The following C1orf54 variants were observed in gnomAD, a reference collection of about 807,000 sequenced individuals.
C1orf54 encodes the protein chromosome 1 open reading frame 54.
In C1orf54, 12 loss-of-function variants were observed where a neutral mutation model predicts 14.7. The ratio of observed to expected loss-of-function variants is 0.82; its 90% CI spans 0.52 to 1.32. The LOEUF is 1.32. Among genes scored for constraint, C1orf54 ranks in the 40% most tolerant of loss-of-function variants. The pLI is 0.00. For missense variants in C1orf54, 163 were observed against 162.2 expected, an observed-to-expected ratio of 1.00 and a Z score of -0.03; for synonymous variants, 65 against 56.3, an observed-to-expected ratio of 1.16 and a Z score of -0.70.
intron 4 of C1orf54, 48 bp from the exon 5 acceptor site, chr1:150,279,595 G>C (rs782793663): frequency 6.5e-7 from 1 of 1,530,250 alleles, no homozygotes; most frequent in Non-Finnish European, 8.9e-7. Context: ...AGAAGTGGTA[G>C]GAGGAATGAC....
chr1:150,272,575 C>T (rs887001549), upstream of C1orf54: 2 of 536,028 alleles, frequency 3.7e-6, no homozygotes, highest in Non-Finnish European at 6.7e-6. Flanking sequence ...GCAGGGGGAG[C>T]TTAAGAAACA....
intron 1 of C1orf54, 108 bp downstream of exon 1, chr1:150,272,971 T>G: frequency 8.0e-7 from 1 of 1,248,286 alleles, no homozygotes; most frequent in Non-Finnish European, 1.2e-6. Context: ...TGGGGAGCGA[T>G]AGAGTTTTCT....
chr1:150,276,098 C>T (rs1652625866), intron 3 of C1orf54, among the ~76,000 whole-genome samples: 1 of 151,778 alleles, frequency 6.6e-6, no homozygotes, highest in Non-Finnish European at 1.5e-5. Flanking sequence ...AAGATCGTTC[C>T]ACTGCACTCC....
upstream of C1orf54, among the ~76,000 whole-genome samples, chr1:150,271,422 G>T (rs1652198448): frequency 6.6e-6 from 1 of 152,176 alleles, no homozygotes; most frequent in African/African-American, 2.4e-5. Context: ...TCTCCATTGA[G>T]CTGTTACCAC....
chr1:150,280,017 T>A (rs1553853151), intron 5 of C1orf54, among the ~76,000 whole-genome samples: 1 of 151,876 alleles, frequency 6.6e-6, no homozygotes, highest in Non-Finnish European at 1.5e-5. Context: ...TACAAAAAAA[T>A]TAAAAATAAA....
chr1:150,276,438 G>A, intron 3 of C1orf54, 84 bp from the exon 4 acceptor site: 3 of 1,108,016 alleles, frequency 2.7e-6, no homozygotes, highest in Middle Eastern at 2.0e-4. Flanking sequence ...GGTGGTGAAG[G>A]GGAGAACTTT....
intron 2 of C1orf54, among the ~76,000 whole-genome samples, 195 bp from the exon 3 acceptor site, chr1:150,275,546 T>A (rs1488852952): frequency 1.3e-5 from 2 of 152,134 alleles, no homozygotes; most frequent in African/African-American, 4.8e-5. Context: ...TGTAAATTAT[T>A]TTAGATACCT....
chr1:150,270,203 A>AAC (rs1553850994), upstream of C1orf54, among the ~76,000 whole-genome samples: 1 of 150,958 alleles, frequency 6.6e-6, no homozygotes, highest in Non-Finnish European at 1.5e-5. Flanking sequence ...ACCAAAAAAA[A>AAC]CCCCACAGAA....
At chr1:150,279,310 A>C (rs587644345) in intron 4 of C1orf54, among the ~76,000 whole-genome samples, 81 of 152,338 alleles carry the variant, frequency 5.3e-4, no homozygotes, top group African/African-American at 1.9e-3. Flanking sequence ...CTCTCTTTAG[A>C]TTGTAAATTC....
intron 3 of C1orf54, among the ~76,000 whole-genome samples, chr1:150,276,041 A>G (rs1035977755): frequency 3.9e-5 from 6 of 152,130 alleles, no homozygotes; most frequent in Admixed American, 3.9e-4. Context: ...CAGAAGGCTG[A>G]GGTAGGAGAA....
upstream of C1orf54, among the ~76,000 whole-genome samples, chr1:150,271,122 T>G (rs1417323822): frequency 6.6e-6 from 1 of 150,940 alleles, no homozygotes; most frequent in Non-Finnish European, 1.5e-5. Context: ...TCTCATGTCT[T>G]TTTTTTTTGA....
chr1:150,280,588 G>T (rs1653009749), intron 5 of C1orf54, among the ~76,000 whole-genome samples: 1 of 152,176 alleles, frequency 6.6e-6, no homozygotes, highest in African/African-American at 2.4e-5. Flanking sequence ...GAGAAGGGAA[G>T]AGAAAGCCGT....
upstream of C1orf54, chr1:150,268,916 G>T (rs1652001096): frequency 2.1e-6 from 2 of 974,986 alleles, no homozygotes; most frequent in African/African-American, 3.3e-5. Context: ...CCCCACGAGG[G>T]GCGCGGTGCA....
intron 5 of C1orf54, 68 bp downstream of exon 5, chr1:150,279,809 C>T (rs1652953806): frequency 4.7e-6 from 6 of 1,287,644 alleles, no homozygotes; most frequent in Non-Finnish European, 5.5e-6. Context: ...CACACTAAAC[C>T]GAAGTAATTC....
intron 4 of C1orf54, among the ~76,000 whole-genome samples, chr1:150,277,648 T>G (rs1006013806): frequency 1.3e-5 from 2 of 151,864 alleles, no homozygotes; most frequent in African/African-American, 4.8e-5. Context: ...AATATAAAAT[T>G]TACAAGGCTC....
chr1:150,276,295 A>T (rs1437451987), intron 3 of C1orf54, among the ~76,000 whole-genome samples: 1 of 152,208 alleles, frequency 6.6e-6, no homozygotes, highest in Non-Finnish European at 1.5e-5. Context: ...CCAGAACTTT[A>T]TAAATTGTCC....
At chr1:150,279,883 T>C (rs1652956733) in intron 5 of C1orf54, 142 bp downstream of exon 5, 1 of 747,410 alleles carries the variant, frequency 1.3e-6, no homozygotes, top group South Asian at 1.8e-5. Flanking sequence ...GGAAGAGATT[T>C]AGGCTCATCC....
chr1:150,272,988 G>A, intron 1 of C1orf54, 125 bp downstream of exon 1: 1 of 1,102,960 alleles, frequency 9.1e-7, no homozygotes, highest in Non-Finnish European at 1.4e-6. Flanking sequence ...TTCTCATCGT[G>A]CTGGGGTCCG....
intron 1 of C1orf54, 102 bp downstream of exon 1, chr1:150,272,965 GA>G: frequency 7.8e-7 from 1 of 1,288,246 alleles, no homozygotes; most frequent in Non-Finnish European, 1.1e-6. Flanking sequence ...TTTCAGTGGG[GA>G]GCGATAGAGT....
Sources: allele counts gnomAD v4.1 joint callset (sites outside exome capture counted in the v4.1 genomes callset), GRCh38; gene constraint gnomAD v4.1.1; transcripts MANE v1.5; gene names NCBI Gene and HGNC (gene_info 2026-07-23, HGNC 2026-07-21).